PTPRB: variants seen among roughly 807,000 people sequenced by gnomAD.
PTPRB encodes protein tyrosine phosphatase receptor type B, also known as receptor-type tyrosine-protein phosphatase beta.
In PTPRB, 97 loss-of-function variants were observed where a neutral mutation model predicts 238.1. The observed-to-expected ratio is 0.41, with a 90% CI of 0.35 to 0.48. PTPRB has a LOEUF of 0.48. PTPRB is among the 20% of genes least tolerant of loss of function. PTPRB has a pLI of 0.30. For synonymous variants in PTPRB, 970 were observed against 995.4 expected, an observed-to-expected ratio of 0.97 and a Z score of 0.48; for missense variants, 2,292 against 2,681.9, an observed-to-expected ratio of 0.85 and a Z score of 3.21.
At chr12:70,576,676 G>GGGGGGGGGGGGGGGGGGGT in intron 10 of PTPRB, 31 bp from the exon 11 acceptor site, 1 of 236,412 alleles carries the variant, frequency 4.2e-6, no homozygotes, top group South Asian at 3.4e-5. Context: ...GGGCGGGGGG[G>GGGGGGGGGGGGGGGGGGGT]GGGGGGAAGG....
chr12:70,534,410 T>G (rs1873768576), intron 31 of PTPRB, 78 bp downstream of exon 31: 5 of 1,485,182 alleles, frequency 3.4e-6, no homozygotes, highest in Non-Finnish European at 4.6e-6. Flanking sequence ...AAATTCCCCA[T>G]GCTTATGTAT....
intron 4 of PTPRB, among the ~76,000 whole-genome samples, chr12:70,603,428 G>C (rs2136515770): frequency 6.6e-6 from 1 of 152,188 alleles, no homozygotes; most frequent in African/African-American, 2.4e-5. Flanking sequence ...TCTTTAAAAG[G>C]ACTTGACTTT....
chr12:70,521,838 C>T (rs190785761), intron 33 of PTPRB, among the ~76,000 whole-genome samples: 3 of 152,262 alleles, frequency 2.0e-5, no homozygotes, highest in Admixed American at 1.3e-4. Flanking sequence ...CCTTCAGCTA[C>T]GTGGTGGTTA....
chr12:70,551,954 G>A (rs927858978), intron 21 of PTPRB, among the ~76,000 whole-genome samples: 2 of 151,972 alleles, frequency 1.3e-5, no homozygotes, highest in African/African-American at 4.8e-5. Flanking sequence ...ATCTCCATGG[G>A]GAAAAAAGGG....
chr12:70,588,567 A>C (rs1021496925), intron 8 of PTPRB, among the ~76,000 whole-genome samples: 1 of 152,088 alleles, frequency 6.6e-6, no homozygotes, highest in Non-Finnish European at 1.5e-5. Context: ...TGGGAGGCAG[A>C]GGTTGCAGCG....
chr12:70,579,235 G>A (rs1022197938), intron 10 of PTPRB, among the ~76,000 whole-genome samples: 1 of 152,104 alleles, frequency 6.6e-6, no homozygotes, highest in Admixed American at 6.6e-5. Flanking sequence ...ATTGTGTGTG[G>A]ATTAAAACAC....
intron 2 of PTPRB, among the ~76,000 whole-genome samples, chr12:70,629,257 C>T (rs1325709666): frequency 6.6e-6 from 1 of 152,154 alleles, no homozygotes; most frequent in Non-Finnish European, 1.5e-5. Context: ...TCTCAGACCA[C>T]AGTGCAATCA....
At chr12:70,566,732 A>G (rs1879354399) in intron 14 of PTPRB, 28 bp from the exon 15 acceptor site, 1 of 1,602,324 alleles carries the variant, frequency 6.2e-7, no homozygotes, top group Admixed American at 1.7e-5. Flanking sequence ...GAGCAACAAA[A>G]TACAGATTTT....
At chr12:70,598,927 C>T (rs1565997181) in intron 4 of PTPRB, among the ~76,000 whole-genome samples, 1 of 152,160 alleles carries the variant, frequency 6.6e-6, no homozygotes. Context: ...ACAAAACAGT[C>T]AATCCTTTGT....
intron 17 of PTPRB, 95 bp from the exon 18 acceptor site, chr12:70,559,719 G>A (rs1221168222): frequency 2.6e-6 from 3 of 1,175,496 alleles, no homozygotes; most frequent in Non-Finnish European, 2.4e-6. Context: ...CACTTTTAAT[G>A]TACTTTGTAG....
chr12:70,526,095 G>A (rs529294914), intron 32 of PTPRB, among the ~76,000 whole-genome samples: 2 of 152,256 alleles, frequency 1.3e-5, no homozygotes, highest in South Asian at 4.2e-4. Context: ...ATTTTTATGG[G>A]TTGGCACTAG....
At chr12:70,575,680 C>T (rs1880607908) in intron 11 of PTPRB, among the ~76,000 whole-genome samples, 1 of 152,200 alleles carries the variant, frequency 6.6e-6, no homozygotes, top group Admixed American at 6.5e-5. Context: ...AAACATTTGA[C>T]AATGTATTGA....
intron 31 of PTPRB, among the ~76,000 whole-genome samples, chr12:70,533,293 A>AAAGT (rs1418873076): frequency 6.6e-6 from 1 of 151,296 alleles, no homozygotes; most frequent in Non-Finnish European, 1.5e-5. Flanking sequence ...CTTCCTATTA[A>AAAGT]AAGTGTCAAG....
Position 70,543,821 on chromosome 12 carries a change from A to G in PTPRB, c.5494+736T>C, listed in dbSNP as rs539301769. ...AAAGTGCCAGAATTTCAGCTGCACC[A>G]TCTTGGGCAAATTACTTAATCTCTT... On this transcript the variant is annotated intron_variant, in intron 22 of 33. Coordinates refer to ENST00000334414, the MANE Select transcript of PTPRB (RefSeq NM_001109754.4). 5.9e-5 allele frequency among the ~76,000 whole-genome samples: 9 copies of G among 152,354 alleles called. No individual in the cohort carries two copies. In the East Asian group the frequency reaches 1.5e-3, roughly 26 times the overall value.
intron 33 of PTPRB, among the ~76,000 whole-genome samples, chr12:70,521,876 T>C (rs557418311): frequency 6.6e-6 from 1 of 152,276 alleles, no homozygotes; most frequent in African/African-American, 2.4e-5. Flanking sequence ...GTTAGCTTCT[T>C]TCAGGAGTGC....
At chr12:70,540,254 G>C in intron 23 of PTPRB, 1 of 452,646 alleles carries the variant, frequency 2.2e-6, no homozygotes, top group Non-Finnish European at 3.9e-6. Flanking sequence ...CTGGTTTTTG[G>C]CTACAGGTTA....
At chr12:70,595,954 G>T in intron 5 of PTPRB, 95 bp downstream of exon 5, 1 of 1,163,300 alleles carries the variant, frequency 8.6e-7, no homozygotes, top group Non-Finnish European at 1.2e-6. Flanking sequence ...AATTAACTTT[G>T]CTCTGGAGTA....
At chr12:70,530,495 C>G (rs1873064322) in intron 32 of PTPRB, among the ~76,000 whole-genome samples, 1 of 140,126 alleles carries the variant, frequency 7.1e-6, no homozygotes, top group Non-Finnish European at 1.5e-5. Context: ...GTATTACACA[C>G]ATACATATAT....
In PTPRB at chr12:70,516,677, A is replaced by C. The variant is rs1871220386; in HGVS notation, c.*4812T>G. 6.6e-6 allele frequency: 1 copy of C among 152,196 alleles called. No individual in the cohort carries two copies. The highest frequency in any genetic ancestry group is 1.5e-5 in the Non-Finnish European group (1 of 68,034). The allele number at this position is 152,196 out of a possible 1,614,324, so 9.4% of individuals were successfully genotyped here. On this transcript the variant is annotated 3_prime_UTR_variant, in exon 34 of 34. Coordinates refer to ENST00000334414, the MANE Select transcript of PTPRB (RefSeq NM_001109754.4). ...ATTATTTATTAAAATAGCTATAACC[A>C]ATTCTTTTTGTGACTGTTCTAGAAG...
Sources: allele counts gnomAD v4.1 joint callset (sites outside exome capture counted in the v4.1 genomes callset), GRCh38; gene constraint gnomAD v4.1.1; transcripts MANE v1.5; gene names NCBI Gene and HGNC (gene_info 2026-07-23, HGNC 2026-07-21).